Variants in SPECC1 observed in about 807,000 individuals in gnomAD.
SPECC1 encodes the protein cytospin-B.
Under a neutral mutation model 104.1 loss-of-function variants are expected in SPECC1, and 62 were observed. The ratio of observed to expected loss-of-function variants is 0.60; its 90% CI spans 0.49 to 0.74. SPECC1 has a LOEUF of 0.74. SPECC1 is among the 30% of genes least tolerant of loss of function. The pLI is 0.00. For synonymous variants in SPECC1, 513 were observed against 501.6 expected (o/e 1.02, Z -0.30); for missense variants, 1,306 against 1,310.5 (o/e 1.00, Z 0.05).
chr17:20,104,613 C>A (rs369193186), intron 2 of SPECC1, among the ~76,000 whole-genome samples: 1 of 151,558 alleles, frequency 6.6e-6, no homozygotes, highest in Admixed American at 6.6e-5. Context: ...TGTGGGGGCA[C>A]GTGCCTGTAA....
chr17:20,224,410 G>C (rs916094256), intron 4 of SPECC1, among the ~76,000 whole-genome samples: 13 of 152,204 alleles, frequency 8.5e-5, no homozygotes, highest in African/African-American at 3.1e-4. Flanking sequence ...ATCTAGCCAG[G>C]CTTGTATCTT....
intron 1 of SPECC1, among the ~76,000 whole-genome samples, chr17:20,036,762 GT>G (rs2045104051): frequency 6.6e-6 from 1 of 152,148 alleles, no homozygotes; most frequent in Non-Finnish European, 1.5e-5. Context: ...AACAGGAACA[GT>G]TTTATTTCTT....
intron 2 of SPECC1, among the ~76,000 whole-genome samples, chr17:20,103,513 G>C (rs2048040292): frequency 1.3e-5 from 2 of 152,164 alleles, no homozygotes; most frequent in South Asian, 4.1e-4. Flanking sequence ...GTGGGTTTTT[G>C]GTAAAGCTTA....
At chr17:20,183,078 G>A (rs774819370) in intron 3 of SPECC1, among the ~76,000 whole-genome samples, 1 of 152,130 alleles carries the variant, frequency 6.6e-6, no homozygotes, top group Non-Finnish European at 1.5e-5. Flanking sequence ...AAGAGGTGGC[G>A]GTAGAGGTCA....
chr17:20,293,412 C>T lies in SPECC1; in HGVS notation c.2941-3549C>T, dbSNP rs2041238623. Among the ~76,000 whole-genome samples the T allele has an allele frequency of 2.0e-5, 3 of 152,174 alleles. No individual in the cohort carries two copies. The South Asian group carries it at 6.2e-4, about 32-fold the overall frequency. ...TTCTCTTCATCCTGCCTCTCCTTTT[C>T]AGTTACAAATTGATTCTGATAGAAA... On this transcript the variant is annotated intron_variant, in intron 12 of 14. Transcript: ENST00000395527.
chr17:20,200,911 AAG>A (rs888278067), intron 3 of SPECC1, among the ~76,000 whole-genome samples: 5 of 152,148 alleles, frequency 3.3e-5, no homozygotes, highest in Non-Finnish European at 7.3e-5. Flanking sequence ...AAAAAGGAAA[AAG>A]AATAGATATA....
chr17:20,160,647 A>G (rs1567889081), intron 3 of SPECC1, among the ~76,000 whole-genome samples: 1 of 152,080 alleles, frequency 6.6e-6, no homozygotes, highest in African/African-American at 2.4e-5. Context: ...ATTTTGCTGT[A>G]TTTGCTTTAT....
intron 12 of SPECC1, among the ~76,000 whole-genome samples, chr17:20,265,987 A>G (rs1350461089): frequency 6.6e-6 from 1 of 152,240 alleles, no homozygotes; most frequent in East Asian, 1.9e-4. Context: ...GCCTTAGAAT[A>G]TAACATGAAC....
chr17:20,109,265 C>T (rs750284928), intron 2 of SPECC1, among the ~76,000 whole-genome samples: 2 of 152,178 alleles, frequency 1.3e-5, no homozygotes, highest in East Asian at 3.9e-4. Context: ...GTGTGATGGG[C>T]GGGGCTCGCC....
chr17:20,101,827 G>A (rs768822379), intron 2 of SPECC1, among the ~76,000 whole-genome samples: 1 of 152,218 alleles, frequency 6.6e-6, no homozygotes, highest in Non-Finnish European at 1.5e-5. Flanking sequence ...AGTTTGAGAA[G>A]CGGTGTCCAA....
chr17:20,263,032 T>C (rs990424286), intron 12 of SPECC1, among the ~76,000 whole-genome samples: 2 of 151,568 alleles, frequency 1.3e-5, no homozygotes, highest in Non-Finnish European at 2.9e-5. Flanking sequence ...TGACCAATAA[T>C]AGAGGCTCCC....
At chr17:20,091,911 G>C (rs866859003) in intron 1 of SPECC1, among the ~76,000 whole-genome samples, 1 of 152,130 alleles carries the variant, frequency 6.6e-6, no homozygotes. Context: ...GCTGAGGCCC[G>C]AGATAACCTC....
At chr17:20,161,486 G>A (rs1009672765) in intron 3 of SPECC1, among the ~76,000 whole-genome samples, 1 of 152,096 alleles carries the variant, frequency 6.6e-6, no homozygotes, top group African/African-American at 2.4e-5. Context: ...AAAAATGGAA[G>A]GCCTATCAGC....
intron 3 of SPECC1, among the ~76,000 whole-genome samples, chr17:20,114,676 A>T (rs1290413083): frequency 6.6e-6 from 1 of 152,130 alleles, no homozygotes; most frequent in Non-Finnish European, 1.5e-5. Context: ...CATCAACATG[A>T]GGCAAGGAAT....
chr17:20,186,523 G>C (rs973858852), intron 3 of SPECC1, among the ~76,000 whole-genome samples: 1 of 152,168 alleles, frequency 6.6e-6, no homozygotes, highest in Non-Finnish European at 1.5e-5. Flanking sequence ...TGTGTCTCAT[G>C]TATACTAAAA....
intron 1 of SPECC1, among the ~76,000 whole-genome samples, chr17:20,038,210 A>G (rs2045170721): frequency 6.6e-6 from 1 of 151,334 alleles, no homozygotes; most frequent in South Asian, 2.1e-4. Context: ...TCTGTTTTCA[A>G]TTTTACTGAT....
At chr17:20,256,406 A>C (rs1187568881) in intron 10 of SPECC1, among the ~76,000 whole-genome samples, 3 of 152,166 alleles carry the variant, frequency 2.0e-5, no homozygotes, top group Non-Finnish European at 4.4e-5. Flanking sequence ...TGGAAGCTGC[A>C]GAAACCAAAG....
At chr17:20,184,484 A>T (rs1383054719) in intron 3 of SPECC1, among the ~76,000 whole-genome samples, 1 of 152,144 alleles carries the variant, frequency 6.6e-6, no homozygotes, top group Admixed American at 6.5e-5. Flanking sequence ...AACAGCATGT[A>T]TTGTTTTTAT....
At chr17:20,024,864 G>A (rs2152436462) in intron 1 of SPECC1, among the ~76,000 whole-genome samples, 1 of 152,210 alleles carries the variant, frequency 6.6e-6, no homozygotes, top group Admixed American at 6.5e-5. Context: ...ATCCCAACTG[G>A]CTTTTTAGTC....
Sources: allele counts gnomAD v4.1 joint callset (sites outside exome capture counted in the v4.1 genomes callset), GRCh38; gene constraint gnomAD v4.1.1; transcripts MANE v1.5; gene names NCBI Gene and HGNC (gene_info 2026-07-23, HGNC 2026-07-21).